IQCN: variants seen among roughly 807,000 people sequenced by gnomAD.
The protein encoded by IQCN is IQ motif containing N, also known as IQ domain-containing protein N.
A neutral mutation model predicts 64.4 loss-of-function variants in IQCN; 46 were observed. The ratio of observed to expected loss-of-function variants is 0.71; its 90% CI spans 0.56 to 0.91. The LOEUF is 0.91. Ranked by LOEUF, IQCN falls within the 40% of genes least tolerant of loss-of-function variation. The pLI, the probability that IQCN is intolerant of heterozygous loss-of-function variation, is 0.00. For missense variants in IQCN, 1,753 were observed against 1,857.4 expected (o/e 0.94, Z 1.03); for synonymous variants, 733 against 775.6 (o/e 0.95, Z 0.91).
At position 18,273,956 on chromosome 19, in the gene IQCN, A is replaced by G. The variant is rs752465466; in HGVS notation, c.-110+447T>C. ...ATCTGTCACAAGACATAAGATCACC[A>G]TCCTCAGGTTGCCAAAGAGACACAA... On this transcript the variant is annotated intron_variant, in intron 1 of 3. Transcript: ENST00000392413. Among the ~76,000 whole-genome samples the G allele has an allele frequency of 2.6e-5, 4 of 152,220 alleles. No individual in the cohort carries two copies. The South Asian group carries it at 6.2e-4, about 24-fold the overall frequency.
Position 18,267,284 on chromosome 19 carries a change from C to T in IQCN, c.256G>A (p.Val86Ile), listed in dbSNP as rs970103383. 1 of 1,614,146 alleles carries T rather than the reference C, an allele frequency of 6.2e-7. No individual in the cohort carries two copies. ...SRRVPRLRAV[V>I]ESQAFKNILV... ...ATGTTCTTGAAGGCCTGGCTCTCGA[C>T]CACAGCCCGGAGGCGTGGGACGCGG... Residue 86 changes from valine (V) to isoleucine (I), a missense_variant, in exon 3 of 4, where the codon GTC becomes ATC. Coordinates refer to ENST00000392413, the MANE Select transcript of IQCN (RefSeq NM_001145304.2).
intron 2 of IQCN, 77 bp from the exon 3 acceptor site, chr19:18,267,603 G>A: frequency 1.4e-6 from 2 of 1,448,522 alleles, no homozygotes; most frequent in South Asian, 3.1e-5. Context: ...GTGGACACTG[G>A]CCCCCCAGGC....
chr19:18,265,234 GTGTTGC>G lies in IQCN; in HGVS notation c.2300_2305del (p.Ser767_Asn768del). 1 of 1,613,178 alleles carries G rather than the reference GTGTTGC, an allele frequency of 6.2e-7. No individual in the cohort carries two copies. Among genetic ancestry groups the G allele is most frequent in the Non-Finnish European group, 8.5e-7 (1 of 1,179,986 alleles). On this transcript the variant is annotated inframe_deletion, in exon 3 of 4. Transcript: ENST00000392413. The surrounding 1 kb of genome is among the most constrained non-coding windows in gnomAD (Gnocchi z 4.7). ...CCCTGTTAGGAGCACCTGGGAGTGG[GTGTTGC>G]TGCTGAGATCAGCAGCCTGGTGCGC... is the stretch of plus-strand genomic sequence containing the variant.
At position 18,264,709 on chromosome 19, in the gene IQCN, C is replaced by A; in HGVS notation, c.2831G>T (p.Ser944Ile). 1.3e-6 allele frequency: 2 copies of A among 1,551,180 alleles called. No individual in the cohort carries two copies. Among genetic ancestry groups the A allele is most frequent in the Non-Finnish European group, 1.7e-6 (2 of 1,146,986 alleles). Residue 944 changes from serine to isoleucine, a missense_variant, in exon 3 of 4, where the codon AGT (serine) becomes ATT (isoleucine). Coordinates refer to ENST00000392413, the MANE Select transcript of IQCN (RefSeq NM_001145304.2). This position sits in a 1 kb window ranked among gnomAD's most constrained non-coding sequence, Gnocchi z 4.3. ...SMALVKALSW[S>I]ELRLTLSRAL... ...TCGGGACAGGGTCAGGCGCAGCTCA[C>A]TCCAGGACAGCGCCTTCACCAGCGC... is the stretch of plus-strand genomic sequence containing the variant.
chr19:18,271,468 CAAA>C (rs536457866), intron 1 of IQCN, among the ~76,000 whole-genome samples: 7 of 98,010 alleles, frequency 7.1e-5, no homozygotes, highest in Non-Finnish European at 1.5e-4. Context: ...AAACTCAGTT[CAAA>C]AAAAAAAAAA....
chr19:18,264,969 G>A lies in IQCN; in HGVS notation c.2571C>T (p.Ala857=), dbSNP rs1235615659. 1.9e-6 allele frequency: 3 copies of A among 1,608,886 alleles called. No individual in the cohort carries two copies. Among genetic ancestry groups the A allele is most frequent in the African/African-American group, 2.7e-5 (2 of 75,050 alleles). Reference sequence around the variant, plus strand: ...CCGCCTGGCCGGGCATTGATGGCTGGGCACGTGTGGCTCCGTTGTCTCCCC... The same window carrying A: ...CCGCCTGGCCGGGCATTGATGGCTGAGCACGTGTGGCTCCGTTGTCTCCCC... ...ESWGDNGATR[A]QPSMPGQAVP... The change falls in exon 3 of 4, where the codon GCC becomes GCT. Residue 857 remains alanine (A), a synonymous_variant. Transcript: ENST00000392413. The surrounding 1 kb of genome is among the most constrained non-coding windows in gnomAD (Gnocchi z 4.3).
Position 18,265,422 on chromosome 19 carries a change from C to T in IQCN, c.2118G>A (p.Leu706=), listed in dbSNP as rs763084230. ...LPTELTKTPS[L]AHLDTCLSKM... is the part of the protein sequence containing the mutation. ...TGCTCAGACAGGTGTCCAGATGGGC[C>T]AGGGATGGGGTCTTGGTCAGCTCAG... The change falls in exon 3 of 4, where the codon CTG becomes CTA. Residue 706 remains leucine (L), a synonymous_variant. Coordinates refer to ENST00000392413, the MANE Select transcript of IQCN (RefSeq NM_001145304.2). This position sits in a 1 kb window ranked among gnomAD's most constrained non-coding sequence, Gnocchi z 4.7. 4 of 1,614,150 alleles carry T rather than the reference C, an allele frequency of 2.5e-6. No homozygotes were observed. The African/African-American group carries it at 4.0e-5, about 16-fold the overall frequency.
In IQCN at chr19:18,267,341, G is replaced by A; in HGVS notation, c.199C>T (p.Gln67Ter). ...GCCGTCTTGCCTTCGGCAGGCTGTT[G>A]CGGAAGATGCTCCTTGGACTTGAGG... ...EGLKSKEHLP[Q>*]QPAEGKTASR... The change falls in exon 3 of 4, where the codon CAA becomes TAA. Residue 67 changes from glutamine (Q) to a stop codon, truncating the protein, a stop_gained. Coordinates refer to ENST00000392413, the MANE Select transcript of IQCN (RefSeq NM_001145304.2). LOFTEE classifies it high-confidence loss of function. 6.2e-7 allele frequency: 1 copy of A among 1,614,090 alleles called. No homozygotes were observed. Among genetic ancestry groups the A allele is most frequent in the South Asian group, 1.1e-5 (1 of 91,066 alleles).
rs981807973 is a variant in IQCN, at chr19:18,264,567, C to T, written c.2973G>A (p.Leu991=). 6.4e-6 allele frequency: 10 copies of T among 1,551,316 alleles called. No individual in the cohort carries two copies. In the African/African-American group the frequency reaches 9.6e-5, roughly 15 times the overall value. ...GGAGAGCACCCAGCTCACCCTGACA[C>T]AGGGCCTGGCTCAGAGCCACCCACT... The part of the protein sequence containing the change: ...EEEWVALSQA[L]CQGELGALLS... The change falls in exon 3 of 4, where the codon CTG becomes CTA. Residue 991 remains leucine (L), a synonymous_variant. Transcript: ENST00000392413. The surrounding 1 kb of genome is among the most constrained non-coding windows in gnomAD (Gnocchi z 4.3).
chr19:18,264,917 A>G lies in IQCN; in HGVS notation c.2623T>C (p.Ser875Pro). Residue 875 changes from serine to proline, a missense_variant, in exon 3 of 4, where the codon TCC becomes CCC. Coordinates refer to ENST00000392413, the MANE Select transcript of IQCN (RefSeq NM_001145304.2). The surrounding 1 kb of genome is among the most constrained non-coding windows in gnomAD (Gnocchi z 4.3). The part of the protein sequence containing the change: ...AVPCQEDTVG[S>P]LLASLCAEVA... ...TCAGCACACAAGGAGGCCAGCAGGG[A>G]GCCTACCGTGTCCTCCTGGCAGGGC... 1 of 1,613,290 alleles carries G rather than the reference A, an allele frequency of 6.2e-7. No homozygotes were observed. Among genetic ancestry groups the G allele is most frequent in the Non-Finnish European group, 8.5e-7 (1 of 1,179,984 alleles).
intron 1 of IQCN, among the ~76,000 whole-genome samples, chr19:18,272,134 T>TC (rs914276976): frequency 3.3e-5 from 4 of 119,834 alleles, no homozygotes; most frequent in African/African-American, 6.0e-5. Context: ...GCCTTTTTTT[T>TC]TTTCTCTCTC....
rs745320125 is a variant in IQCN, at chr19:18,265,701, C to T, written c.1839G>A (p.Gln613=). The T allele has an allele frequency of 9.3e-6, 15 of 1,614,090 alleles. No individual in the cohort carries two copies. The highest frequency in any genetic ancestry group is 2.7e-5 in the African/African-American group (2 of 74,922). Residue 613 remains glutamine (Q), a synonymous_variant, in exon 3 of 4, where the codon CAG becomes CAA. Transcript: ENST00000392413. The surrounding 1 kb of genome is among the most constrained non-coding windows in gnomAD (Gnocchi z 4.7). ...AEKIKTGTQK[Q]AKTDMAFKTS... is the part of the protein sequence containing the mutation. The stretch of plus-strand genomic sequence containing the variant: ...TCTTAAATGCCATGTCTGTTTTCGC[C>T]TGTTTCTGGGTGCCAGTCTTGATTT...
Position 18,267,426 on chromosome 19 carries a change from G to C in IQCN, c.114C>G (p.Pro38=). Residue 38 remains proline (P), a synonymous_variant, in exon 3 of 4, where the codon CCC becomes CCG. Coordinates refer to ENST00000392413, the MANE Select transcript of IQCN (RefSeq NM_001145304.2). ...VTQWAVHPPA[P]AHPSLLDKME... ...TTTTGTCCAGGAGACTGGGGTGAGC[G>C]GGGGCTGGAGGATGCACCGCCCACT... 9 of 1,564,368 alleles carry C rather than the reference G, an allele frequency of 5.8e-6. No homozygotes were observed. Among genetic ancestry groups the C allele is most frequent in the Non-Finnish European group, 7.8e-6 (9 of 1,156,564 alleles).
intron 3 of IQCN, among the ~76,000 whole-genome samples, chr19:18,263,760 C>T (rs922003470): frequency 3.3e-5 from 5 of 152,116 alleles, no homozygotes; most frequent in Non-Finnish European, 7.4e-5. Flanking sequence ...CCAAGGCAGG[C>T]CCCCACAGGT....
At position 18,266,552 on chromosome 19, in the gene IQCN, A is replaced by C; in HGVS notation, c.988T>G (p.Cys330Gly). The C allele has an allele frequency of 6.2e-7, 1 of 1,613,070 alleles. No individual in the cohort carries two copies. The highest frequency in any genetic ancestry group is 8.5e-7 in the Non-Finnish European group (1 of 1,179,446). ...GTCTTGGTGATCATGGGCCCTGGAC[A>C]TATCTGGAAGGGGGCTTTGGGGGTC... ...AETPKAPFQICPGPMITKTLL... is the reference protein window; with the variant it reads ...AETPKAPFQIGPGPMITKTLL... The change falls in exon 3 of 4, where the codon TGT (cysteine) becomes GGT (glycine). Residue 330 changes from cysteine to glycine, a missense_variant. Coordinates refer to ENST00000392413, the MANE Select transcript of IQCN (RefSeq NM_001145304.2). The surrounding 1 kb of genome is among the most constrained non-coding windows in gnomAD (Gnocchi z 4.3).
Position 18,257,647 on chromosome 19 carries a change from T to C in IQCN, c.3637A>G (p.Arg1213Gly). The C allele has an allele frequency of 6.2e-7, 1 of 1,610,570 alleles. No homozygotes were observed. The highest frequency in any genetic ancestry group is 8.5e-7 in the Non-Finnish European group (1 of 1,178,354). ...AAGCAGCGATGGTCAGATACTGTCC[T>C]GGCTCTGCCATCCTGGAACCAGCTT... ...DRSWFQDGRA[R>G]TVSDHRCFQS... The change falls in exon 4 of 4, where the codon AGG (arginine) becomes GGG (glycine). Residue 1213 changes from arginine to glycine, a missense_variant. By Grantham distance (125) the Arg-to-Gly change is moderately radical (BLOSUM62 -2). Coordinates refer to ENST00000392413, the MANE Select transcript of IQCN (RefSeq NM_001145304.2).
chr19:18,270,710 C>T (rs7252586), intron 1 of IQCN, among the ~76,000 whole-genome samples: 33,221 of 151,430 alleles, frequency 0.22, 4,582 homozygotes, highest in African/African-American at 0.39. Context: ...TGGAGTGCAG[C>T]GTCACAATCT....
intron 3 of IQCN, among the ~76,000 whole-genome samples, chr19:18,262,819 T>C (rs779089434): frequency 2.0e-5 from 3 of 152,140 alleles, no homozygotes; most frequent in African/African-American, 4.8e-5. Context: ...TGGGACACAA[T>C]TGGGGCCAAG....
chr19:18,269,672 T>TAA (rs71886739), intron 1 of IQCN, 85 bp from the exon 2 acceptor site: 124 of 382,736 alleles, frequency 3.2e-4, no homozygotes, highest in South Asian at 5.1e-4. Context: ...AGCTAAATTC[T>TAA]AAAAAAAAAA....
Sources: gnomAD v4.1 joint callset for allele counts (sites outside exome capture counted in the v4.1 genomes callset) on GRCh38, gnomAD v4.1.1 for gene constraint, Gnocchi (gnomAD v3.1) non-coding constraint, MANE v1.5 for transcripts, NCBI Gene and HGNC (gene_info 2026-07-23, HGNC 2026-07-21) for gene names.